MGRN1: variants seen among roughly 807,000 people sequenced by gnomAD.
MGRN1 encodes mahogunin ring finger 1.
A neutral mutation model predicts 69.2 loss-of-function variants in MGRN1; 29 were observed. The observed-to-expected ratio is 0.42, with a 90% confidence interval of 0.31 to 0.57. The LOEUF (loss-of-function observed/expected upper bound fraction) is 0.57. MGRN1 is among the 20% of genes least tolerant of loss of function. The probability of loss-of-function intolerance (pLI) is 0.15; values close to 1 mark genes in which losing one functional copy is unlikely to be tolerated. For synonymous variants in MGRN1, 470 were observed against 344.2 expected (o/e 1.37, Z -4.04); for missense variants, 998 against 796.2 (o/e 1.25, Z -3.05).
chr16:4,646,246 C>T (rs1425041552), intron 1 of MGRN1, among the ~76,000 whole-genome samples: 1 of 152,130 alleles, frequency 6.6e-6, no homozygotes, highest in Non-Finnish European at 1.5e-5. Flanking sequence ...GCCTGGGTAG[C>T]ATAGTGAGAC....
rs2079430234 is a variant in MGRN1 at position 4,690,439 on chromosome 16, G to GCT, written c.*1531_*1532insCT. ...AGGCTCACGGTGGCTCCGAGCATGA[G>GCT]GTCCGCCTCCTGGGCGAGACCCAGC... is the stretch of plus-strand genomic sequence containing the variant. On this transcript the variant is annotated 3_prime_UTR_variant, in exon 17 of 17. Coordinates refer to ENST00000262370, the MANE Select transcript of MGRN1 (RefSeq NM_015246.4). The GCT allele has an allele frequency of 6.6e-6, 1 of 152,124 alleles. No homozygotes were observed. Among genetic ancestry groups the GCT allele is most frequent in the Non-Finnish European group, 1.5e-5 (1 of 68,052 alleles). 9.4% of individuals were successfully genotyped at this position (152,124 alleles called of 1,614,324 possible).
intron 12 of MGRN1, 174 bp downstream of exon 12, chr16:4,680,271 T>A: frequency 1.5e-6 from 1 of 648,792 alleles, no homozygotes. Context: ...CCGGAAAAGC[T>A]CTCGGTCCGT....
chr16:4,626,789 A>G (rs901231696), intron 1 of MGRN1, among the ~76,000 whole-genome samples: 8 of 152,064 alleles, frequency 5.3e-5, no homozygotes, highest in African/African-American at 1.9e-4. Flanking sequence ...CCTCCCTCCC[A>G]CTGAGCATCC....
Position 4,673,673 on chromosome 16 carries a change from G to A in MGRN1, c.955+16G>A, listed in dbSNP as rs374171566. On this transcript the variant is annotated intron_variant, in intron 10 of 16. Transcript: ENST00000262370. ...TGCCGGCTGCGTGAGTTCCCCGGCC[G>A]GCTGTTCTGTGGAAGGTTCTGGAAA... 6.8e-6 allele frequency: 11 copies of A among 1,611,006 alleles called. No homozygotes were observed. Among genetic ancestry groups the A allele is most frequent in the African/African-American group, 4.0e-5 (3 of 74,912 alleles).
In MGRN1 at chr16:4,690,175, G is replaced by A. The variant is rs1305555157; in HGVS notation, c.*1267G>A. The A allele has an allele frequency of 6.6e-6, 1 of 152,422 alleles. No individual in the cohort carries two copies. Among genetic ancestry groups the A allele is most frequent in the Non-Finnish European group, 1.5e-5 (1 of 68,198 alleles). The allele number at this position is 152,422 out of a possible 1,614,324, so 9.4% of individuals were successfully genotyped here. On this transcript the variant is annotated 3_prime_UTR_variant, in exon 17 of 17. Transcript: ENST00000262370. Reference sequence around the variant, plus strand: ...CTGGGGAATGGGGTCCCGGCCGGGAGGCTTGGCCTCTGGGCGACCTCGTCC... The same window carrying A: ...CTGGGGAATGGGGTCCCGGCCGGGAAGCTTGGCCTCTGGGCGACCTCGTCC...
At chr16:4,661,342 G>A (rs1044872737) in intron 5 of MGRN1, among the ~76,000 whole-genome samples, 1 of 152,140 alleles carries the variant, frequency 6.6e-6, no homozygotes, top group Non-Finnish European at 1.5e-5. Flanking sequence ...AGGATTGGCC[G>A]CCTTGGCCAC....
At chr16:4,641,479 G>A (rs148005341) in intron 1 of MGRN1, among the ~76,000 whole-genome samples, 1 of 148,112 alleles carries the variant, frequency 6.8e-6, no homozygotes, top group African/African-American at 2.4e-5. Context: ...CTCTTGAGTG[G>A]CTGGTACTAC....
chr16:4,663,365 G>GTTTTTTTTT lies in MGRN1; in HGVS notation c.562-1326_562-1318dup, dbSNP rs1183914569. ...GGCGGGAGCCACGGCACCTGGCCTT[G>GTTTTTTTTT]TTTTTTTTTTTTTTTTTTTTTTTTT... is the stretch of plus-strand genomic sequence containing the variant. On this transcript the variant is annotated intron_variant, in intron 5 of 16. Transcript: ENST00000262370. 2.7e-3 allele frequency among the ~76,000 whole-genome samples: 166 copies of GTTTTTTTTT among 61,826 alleles called. 13 individuals carry two copies. The highest frequency in any genetic ancestry group is 0.043 in the Middle Eastern group (2 of 46). The allele number at this position is 61,826 out of a possible 152,430, so 40.6% of individuals were successfully genotyped here.
chr16:4,640,645 C>T (rs1284483762), intron 1 of MGRN1: 3 of 152,432 alleles, frequency 2.0e-5, no homozygotes, highest in African/African-American at 7.2e-5. Flanking sequence ...ATTTCCAGGA[C>T]AACCTTGGGA....
intron 1 of MGRN1, among the ~76,000 whole-genome samples, chr16:4,630,725 G>A (rs1407772202): frequency 1.3e-5 from 2 of 152,042 alleles, no homozygotes; most frequent in Non-Finnish European, 2.9e-5. Flanking sequence ...GATTACAGGC[G>A]TGAGCCGCTG....
At chr16:4,648,511 G>A (rs532538845) in intron 1 of MGRN1, among the ~76,000 whole-genome samples, 1 of 69,152 alleles carries the variant, frequency 1.4e-5, no homozygotes, top group Non-Finnish European at 2.5e-5. Flanking sequence ...GTCACCCGGG[G>A]GCTCCTCCCG....
chr16:4,677,571 CTG>C lies in MGRN1; in HGVS notation c.1065+1_1065+2del. 1 of 1,599,354 alleles carries C rather than the reference CTG, an allele frequency of 6.3e-7. No individual in the cohort carries two copies. Among genetic ancestry groups the C allele is most frequent in the East Asian group, 2.2e-5 (1 of 44,806 alleles). ...CAGAGCCTGGAGCATGATGAGCACT[CTG>C]TAAGTGCCGCCTCCTGCCTGCGGGA... On this transcript the variant is annotated splice_donor_variant and coding_sequence_variant, in exon 11 of 17. Transcript: ENST00000262370. LOFTEE classifies it high-confidence loss of function.
At chr16:4,661,983 G>T (rs2078692200) in intron 5 of MGRN1, among the ~76,000 whole-genome samples, 1 of 152,170 alleles carries the variant, frequency 6.6e-6, no homozygotes, top group African/African-American at 2.4e-5. Flanking sequence ...TCCCTGCTGG[G>T]TGGGGACATG....
chr16:4,670,393 C>T (rs2078913015), intron 8 of MGRN1, among the ~76,000 whole-genome samples: 1 of 152,224 alleles, frequency 6.6e-6, no homozygotes, highest in South Asian at 2.1e-4. Flanking sequence ...CAGGCACGCG[C>T]CACCATGCCT....
chr16:4,660,151 C>G lies in MGRN1; in HGVS notation c.561+2788C>G, dbSNP rs1315890841. 2.0e-5 allele frequency among the ~76,000 whole-genome samples: 3 copies of G among 152,210 alleles called. No individual in the cohort carries two copies. The East Asian group carries it at 5.8e-4, about 29-fold the overall frequency. The stretch of plus-strand genomic sequence containing the variant: ...CCCAGCATGGCTGCACTGGCCTTGC[C>G]CAGGAGCAGAGAGGACATGTGTGGA... On this transcript the variant is annotated intron_variant, in intron 5 of 16. Transcript: ENST00000262370.
intron 1 of MGRN1, among the ~76,000 whole-genome samples, chr16:4,636,364 A>C (rs1191694118): frequency 6.6e-6 from 1 of 151,984 alleles, no homozygotes; most frequent in Non-Finnish European, 1.5e-5. Flanking sequence ...GATGGGATGC[A>C]ATGGCCGGGC....
intron 16 of MGRN1, chr16:4,687,592 C>CACACACACACACAA (rs1318079776): frequency 2.0e-6 from 2 of 983,368 alleles, no homozygotes; most frequent in East Asian, 2.3e-4. Context: ...CACACACACA[C>CACACACACACACAA]ACACACACAC....
chr16:4,668,769 CACAT>C (rs977282327), intron 8 of MGRN1, among the ~76,000 whole-genome samples: 1 of 151,598 alleles, frequency 6.6e-6, no homozygotes, highest in Non-Finnish European at 1.5e-5. Context: ...CATTCACACA[CACAT>C]AGACATTCAT....
chr16:4,663,641 CAGGG>C (rs2078735475), intron 5 of MGRN1, among the ~76,000 whole-genome samples: 1 of 152,186 alleles, frequency 6.6e-6, no homozygotes, highest in African/African-American at 2.4e-5. Flanking sequence ...TGGAGGGAGT[CAGGG>C]AGCCTGATGG....
Sources: allele counts gnomAD v4.1 joint callset (sites outside exome capture counted in the v4.1 genomes callset), GRCh38; gene constraint gnomAD v4.1.1; transcripts MANE v1.5; gene names NCBI Gene and HGNC (gene_info 2026-07-23, HGNC 2026-07-21).